The following PARP2 variants were observed in gnomAD, a reference collection of about 807,000 sequenced individuals.
PARP2 encodes poly(ADP-ribose) polymerase 2, also known as poly [ADP-ribose] polymerase 2.
In PARP2, 57 loss-of-function variants were observed where a neutral mutation model predicts 77.8. The ratio of observed to expected loss-of-function variants is 0.73; its 90% CI spans 0.59 to 0.91. PARP2 has a LOEUF of 0.91. PARP2 is among the 40% of genes least tolerant of loss of function. PARP2 has a pLI of 0.00. For synonymous variants in PARP2, 226 were observed against 242.6 expected (o/e 0.93, Z 0.64); for missense variants, 651 against 689.0 (o/e 0.94, Z 0.62).
At position 20,344,968 on chromosome 14, in the gene PARP2, C is replaced by T. The variant is rs1883656573; in HGVS notation, c.83C>T (p.Thr28Met). ...NESKRVNNGN[T>M]APEDSSPAKK... ...AGCAAAAGAGTTAATAATGGCAACA[C>T]GGCTCCAGAAGACTCTTCCCCTGCC... Residue 28 changes from threonine to methionine, a missense_variant, in exon 2 of 16, where the codon ACG becomes ATG. Coordinates refer to ENST00000429687, the MANE Select transcript of PARP2 (RefSeq NM_001042618.2). 3 of 1,613,864 alleles carry T rather than the reference C, an allele frequency of 1.9e-6. No homozygotes were observed. Among genetic ancestry groups the T allele is most frequent in the East Asian group, 2.2e-5 (1 of 44,900 alleles).
At chr14:20,357,178 A>G in intron 14 of PARP2, 29 bp downstream of exon 14, 1 of 1,494,368 alleles carries the variant, frequency 6.7e-7, no homozygotes, top group South Asian at 1.1e-5. Flanking sequence ...TGTGATCTCT[A>G]GTTTATTAAT....
intron 13 of PARP2, 123 bp downstream of exon 13, chr14:20,356,812 T>C: frequency 2.5e-6 from 2 of 793,556 alleles, no homozygotes; most frequent in Non-Finnish European, 4.3e-6. Context: ...AGCTCACTGA[T>C]AACCTTGTCA....
rs1482695924 is a variant in PARP2, at chr14:20,356,675, A to T, written c.1315A>T (p.Ile439Phe). 6.2e-7 allele frequency: 1 copy of T among 1,612,396 alleles called. No homozygotes were observed. Among genetic ancestry groups the T allele is most frequent in the East Asian group, 2.2e-5 (1 of 44,878 alleles). Residue 439 changes from isoleucine (I) to phenylalanine (F), a missense_variant, in exon 13 of 16, where the codon ATC becomes TTC. Transcript: ENST00000429687. Reference sequence around the variant, plus strand: ...TCGAATTGCCCCACCTGAAGCTCCCATCACAGGTTACATGGTGAGTGAAAT... The same window carrying T: ...TCGAATTGCCCCACCTGAAGCTCCCTTCACAGGTTACATGGTGAGTGAAAT... ...GLRIAPPEAP[I>F]TGYMFGKGIY...
chr14:20,356,991 C>A, intron 13 of PARP2, 60 bp from the exon 14 acceptor site: 1 of 1,032,636 alleles, frequency 9.7e-7, no homozygotes, highest in Non-Finnish European at 1.5e-6. Flanking sequence ...CAGTGGTATG[C>A]ACCTTCTCTC....
In PARP2 at chr14:20,357,144, T is replaced by A. The variant is rs752411615; in HGVS notation, c.1423T>A (p.Ser475Thr). The change falls in exon 14 of 16, where the codon TCA becomes ACA. Residue 475 changes from serine (S) to threonine (T), a missense_variant. Ser to Thr is a moderately conservative substitution (Grantham distance 58). Transcript: ENST00000429687. The part of the protein sequence containing the change: ...RLKNTGLLLL[S>T]EVALGQCNEL... The stretch of plus-strand genomic sequence containing the variant: ...AAAGAATACAGGACTGCTGCTCTTA[T>A]CAGAGGTGAGACAGGAGTATGTCTG... 1 of 1,597,002 alleles carries A rather than the reference T, an allele frequency of 6.3e-7. No individual in the cohort carries two copies. The highest frequency in any genetic ancestry group is 8.6e-7 in the Non-Finnish European group (1 of 1,165,936).
rs1408656286 is a variant in PARP2, at chr14:20,356,044, A to G, written c.1101+13A>G. On this transcript the variant is annotated intron_variant, in intron 11 of 15. Coordinates refer to ENST00000429687, the MANE Select transcript of PARP2 (RefSeq NM_001042618.2). ...TTATGAGTTCAAAGTAAGAAAAATG[A>G]TCATTTATTTTCATATTCTTGCACC... The G allele has an allele frequency of 6.2e-7, 1 of 1,612,634 alleles. No individual in the cohort carries two copies. Among genetic ancestry groups the G allele is most frequent in the African/African-American group, 1.3e-5 (1 of 74,786 alleles).
chr14:20,356,999 C>A, intron 13 of PARP2, 52 bp from the exon 14 acceptor site: 1 of 1,135,430 alleles, frequency 8.8e-7, no homozygotes, highest in Non-Finnish European at 1.3e-6. Flanking sequence ...TGCACCTTCT[C>A]TCTAACACAG....
intron 1 of PARP2, among the ~76,000 whole-genome samples, chr14:20,344,687 C>G (rs1419863760): frequency 6.6e-6 from 1 of 152,130 alleles, no homozygotes; most frequent in Non-Finnish European, 1.5e-5. Flanking sequence ...GTGGTGCACG[C>G]CTGTAATCCC....
chr14:20,354,791 C>A lies in PARP2; in HGVS notation c.764-18C>A, dbSNP rs1884082412. The A allele has an allele frequency of 6.2e-7, 1 of 1,602,530 alleles. No homozygotes were observed. The highest frequency in any genetic ancestry group is 8.5e-7 in the Non-Finnish European group (1 of 1,175,328). ...ATGGGATCCTAGTTTGGAGTCTGATCTCTGGGTGGGCCTGCAGGGAAGCTG... is the reference window on the plus strand; with the variant it reads ...ATGGGATCCTAGTTTGGAGTCTGATATCTGGGTGGGCCTGCAGGGAAGCTG... On this transcript the variant is annotated intron_variant, in intron 8 of 15. Transcript: ENST00000429687.
chr14:20,353,461 T>C (rs1884033205), intron 7 of PARP2, among the ~76,000 whole-genome samples: 1 of 151,932 alleles, frequency 6.6e-6, no homozygotes, highest in South Asian at 2.1e-4. Flanking sequence ...GCCAGGATGG[T>C]CTCGATCTCC....
intron 6 of PARP2, among the ~76,000 whole-genome samples, chr14:20,351,468 G>T: frequency 6.6e-6 from 1 of 152,124 alleles, no homozygotes; most frequent in East Asian, 1.9e-4. Flanking sequence ...GTGAGCCACC[G>T]TGCCCTGCCT....
chr14:20,357,037 T>A lies in PARP2; in HGVS notation c.1330-14T>A. 2 of 1,513,676 alleles carry A rather than the reference T, an allele frequency of 1.3e-6. No homozygotes were observed. The highest frequency in any genetic ancestry group is 1.8e-6 in the Non-Finnish European group (2 of 1,088,216). 93.8% of individuals were successfully genotyped at this position (1,513,676 alleles called of 1,614,324 possible). On this transcript the variant is annotated splice_polypyrimidine_tract_variant and intron_variant, in intron 13 of 15. Coordinates refer to ENST00000429687, the MANE Select transcript of PARP2 (RefSeq NM_001042618.2). ...GGTTAGAAGCTGACCTTGGTATTCA[T>A]GTATATATTTCAGTTTGGGAAAGGA...
chr14:20,351,414 G>T (rs994330784), intron 6 of PARP2, among the ~76,000 whole-genome samples: 1 of 152,038 alleles, frequency 6.6e-6, no homozygotes, highest in Admixed American at 6.6e-5. Context: ...CCTGACCTCA[G>T]GTGATCCGCC....
intron 9 of PARP2, 141 bp from the exon 10 acceptor site, chr14:20,355,599 AAGATCTCTTTAC>A: frequency 3.6e-6 from 2 of 551,306 alleles, no homozygotes; most frequent in Non-Finnish European, 6.4e-6. Context: ...TTTGGAAGTT[AAGATCTCTTTAC>A]AGATCTCTTT....
intron 7 of PARP2, among the ~76,000 whole-genome samples, chr14:20,353,175 C>T (rs1292815147): frequency 3.3e-5 from 5 of 151,404 alleles, no homozygotes; most frequent in South Asian, 2.1e-4. Flanking sequence ...CCATCACGCC[C>T]GGCCTACTAA....
chr14:20,346,321 C>CTTTTTT lies in PARP2; in HGVS notation c.274-523_274-518dup, dbSNP rs71108595. On this transcript the variant is annotated intron_variant, in intron 3 of 15. Coordinates refer to ENST00000429687, the MANE Select transcript of PARP2 (RefSeq NM_001042618.2). ...AAGTTTTCTTTAACTCAGTTAGAAT[C>CTTTTTT]TTTTTTTTTTTTTTTTTTTTTTTTG... is the stretch of plus-strand genomic sequence containing the variant. 5.2e-4 allele frequency among the ~76,000 whole-genome samples: 47 copies of CTTTTTT among 90,848 alleles called. 1 individual carries two copies. Among genetic ancestry groups the CTTTTTT allele is most frequent in the African/African-American group, 1.3e-3 (27 of 21,586 alleles). 59.6% of individuals were successfully genotyped at this position (90,848 alleles called of 152,430 possible).
Position 20,346,867 on chromosome 14 carries a change from A to C in PARP2, c.278A>C (p.His93Pro), listed in dbSNP as rs373201011. The C allele has an allele frequency of 1.1e-5, 17 of 1,600,948 alleles. No individual in the cohort carries two copies. Among genetic ancestry groups the C allele is most frequent in the Non-Finnish European group, 1.5e-5 (17 of 1,170,094 alleles). The change falls in exon 4 of 16, where the codon CAT becomes CCT. Residue 93 changes from histidine (H) to proline (P), a missense_variant. His to Pro is a moderately conservative substitution (Grantham distance 77). Transcript: ENST00000429687. Reference protein sequence around the residue: ...PECTAKVGKAHVYCEGNDVYD... With the variant: ...PECTAKVGKAPVYCEGNDVYD... ...TTTCTCTCTCTCCCTTTCTAGGCTC[A>C]TGTGTATTGTGAAGGAAATGATGTC...
At chr14:20,349,168 T>C (rs1016827831) in intron 4 of PARP2, among the ~76,000 whole-genome samples, 3 of 151,944 alleles carry the variant, frequency 2.0e-5, no homozygotes, top group African/African-American at 7.3e-5. Flanking sequence ...TGAAACCTTG[T>C]CTCTACAAAA....
At chr14:20,356,080 TC>T in intron 11 of PARP2, 49 bp downstream of exon 11, 1 of 1,587,532 alleles carries the variant, frequency 6.3e-7, no homozygotes, top group East Asian at 2.2e-5. Flanking sequence ...CTTAACCACC[TC>T]CCCCATCCCA....
Sources: gnomAD v4.1 joint callset for allele counts (sites outside exome capture counted in the v4.1 genomes callset) on GRCh38, gnomAD v4.1.1 for gene constraint, MANE v1.5 for transcripts, NCBI Gene and HGNC (gene_info 2026-07-23, HGNC 2026-07-21) for gene names.